Variants in DAAM1 observed in about 807,000 individuals in gnomAD.
DAAM1 encodes dishevelled associated activator of morphogenesis 1.
DAAM1 carries 52 observed loss-of-function variants against 130.0 expected under a neutral mutation model. The observed-to-expected ratio is 0.40, with a 90% CI of 0.32 to 0.50. DAAM1 has a LOEUF of 0.50. Among genes scored for constraint, DAAM1 ranks in the 20% least tolerant of loss-of-function variants. The pLI, the probability that DAAM1 is intolerant of heterozygous loss-of-function variation, is 0.61. For missense variants in DAAM1, 1,134 were observed against 1,303.8 expected (o/e 0.87, Z 2.01); for synonymous variants, 452 against 444.5 (o/e 1.02, Z -0.21).
At chr14:59,198,901 T>A (rs531980991) in intron 1 of DAAM1, among the ~76,000 whole-genome samples, 2 of 152,368 alleles carry the variant, frequency 1.3e-5, no homozygotes, top group South Asian at 4.1e-4. Context: ...TCATTCACAG[T>A]GTATTCACAT....
rs369989051 is a variant in DAAM1 at position 59,308,993 on chromosome 14, G to A, written c.274-6287G>A. Among the ~76,000 whole-genome samples, 3 of 152,300 alleles carry A rather than the reference G, an allele frequency of 2.0e-5. No individual in the cohort carries two copies. The East Asian group carries it at 5.8e-4, about 29-fold the overall frequency. On this transcript the variant is annotated intron_variant, in intron 3 of 24. Transcript: ENST00000360909. ...TGTAACCAGGATTGGCAGTCCCAGG[G>A]ACCACATGGCTATCTTGGAATGTGA...
chr14:59,356,262 G>T (rs189702929), intron 20 of DAAM1, among the ~76,000 whole-genome samples: 70 of 152,268 alleles, frequency 4.6e-4, no homozygotes, highest in Non-Finnish European at 6.8e-4. Context: ...TATAGGGTTC[G>T]TGAAGCATAG....
chr14:59,215,568 C>T (rs1288951312), intron 1 of DAAM1, among the ~76,000 whole-genome samples: 1 of 152,158 alleles, frequency 6.6e-6, no homozygotes, highest in East Asian at 1.9e-4. Flanking sequence ...TGCACCAGGC[C>T]GAAGTGTTTG....
At chr14:59,254,617 G>C (rs944580625) in intron 1 of DAAM1, among the ~76,000 whole-genome samples, 1 of 152,192 alleles carries the variant, frequency 6.6e-6, no homozygotes, top group African/African-American at 2.4e-5. Context: ...TGATGTCTTC[G>C]GGTGCTCCAA....
At chr14:59,235,548 G>GC (rs772596427) in intron 1 of DAAM1, among the ~76,000 whole-genome samples, 4 of 151,940 alleles carry the variant, frequency 2.6e-5, no homozygotes, top group Non-Finnish European at 5.9e-5. Flanking sequence ...TATTAGTCTA[G>GC]CTAGTGGTCT....
chr14:59,332,180 A>G (rs540774608), intron 15 of DAAM1, among the ~76,000 whole-genome samples: 7 of 152,348 alleles, frequency 4.6e-5, no homozygotes, highest in African/African-American at 9.6e-5. Context: ...AGAGTTTTGT[A>G]TGCTGTCACT....
intron 1 of DAAM1, among the ~76,000 whole-genome samples, chr14:59,191,058 TA>T (rs1887715532): frequency 6.6e-6 from 1 of 152,248 alleles, no homozygotes; most frequent in Non-Finnish European, 1.5e-5. Context: ...AATTGACATA[TA>T]AATATTTTGT....
Position 59,323,185 on chromosome 14 carries a change from T to C in DAAM1, c.734T>C (p.Leu245Pro), listed in dbSNP as rs1473924111. The C allele has an allele frequency of 3.1e-6, 5 of 1,613,266 alleles. No homozygotes were observed. Among genetic ancestry groups the C allele is most frequent in the Non-Finnish European group, 4.2e-6 (5 of 1,179,648 alleles). Residue 245 changes from leucine (L) to proline (P), a missense_variant, in exon 6 of 25, where the codon CTG (leucine) becomes CCG (proline). This residue lies in a region of DAAM1 where 391 missense variants were observed against 521.6 expected (regional missense o/e 0.75). Coordinates refer to ENST00000360909, the MANE Select transcript of DAAM1 (RefSeq NM_001270520.2). Reference protein sequence around the residue: ...GGHKKVLQAMLHYQKYASERT... With the variant: ...GGHKKVLQAMPHYQKYASERT... ...CACAAGAAGGTTCTGCAGGCCATGC[T>C]GCACTACCAGAAGTATGCCAGCGAA...
intron 3 of DAAM1, among the ~76,000 whole-genome samples, chr14:59,301,748 G>A (rs961020891): frequency 2.0e-5 from 3 of 152,172 alleles, no homozygotes; most frequent in African/African-American, 7.2e-5. Context: ...CCTCTTCCTC[G>A]ATTCCTTTGG....
chr14:59,297,152 A>G (rs1778005608), intron 3 of DAAM1, among the ~76,000 whole-genome samples: 1 of 152,080 alleles, frequency 6.6e-6, no homozygotes, highest in African/African-American at 2.4e-5. Flanking sequence ...TTCTTCCCCC[A>G]TGATTCTAGG....
At chr14:59,354,908 C>T (rs1175329226) in intron 19 of DAAM1, among the ~76,000 whole-genome samples, 2 of 152,154 alleles carry the variant, frequency 1.3e-5, no homozygotes, top group East Asian at 1.9e-4. Context: ...ATGAGTCAGC[C>T]AAGAAAGGCC....
At chr14:59,275,436 T>TA (rs550683147) in intron 2 of DAAM1, among the ~76,000 whole-genome samples, 88 of 150,596 alleles carry the variant, frequency 5.8e-4, no homozygotes, top group South Asian at 2.9e-3. Context: ...ACTTAAAAGT[T>TA]AAAAAAAAAA....
intron 16 of DAAM1, among the ~76,000 whole-genome samples, chr14:59,341,796 T>C (rs1885859708): frequency 6.6e-6 from 1 of 152,228 alleles, no homozygotes; most frequent in Non-Finnish European, 1.5e-5. Flanking sequence ...TGGAGTTTTT[T>C]TTACATCCTA....
chr14:59,277,606 C>G (rs1883027865), intron 2 of DAAM1, among the ~76,000 whole-genome samples: 1 of 151,932 alleles, frequency 6.6e-6, no homozygotes, highest in East Asian at 1.9e-4. Flanking sequence ...GAAACTAAAA[C>G]TTTCTCTGGA....
rs754893494 is a variant in DAAM1 at position 59,338,419 on chromosome 14, G to A, written c.1969-1655G>A. 3.7e-6 allele frequency: 6 copies of A among 1,613,626 alleles called. No individual in the cohort carries two copies. In the South Asian group the frequency reaches 5.5e-5, roughly 15 times the overall value. On this transcript the variant is annotated intron_variant, in intron 15 of 24. Coordinates refer to ENST00000360909, the MANE Select transcript of DAAM1 (RefSeq NM_001270520.2). ...GTGAACAGTAACTCCAAGCAGGTAA[G>A]TGAGCTACTACCTAAAGCTTGCTTA...
chr14:59,196,872 T>G (rs1887912442), intron 1 of DAAM1, among the ~76,000 whole-genome samples: 1 of 152,196 alleles, frequency 6.6e-6, no homozygotes, highest in Non-Finnish European at 1.5e-5. Context: ...TTGGTGAAAT[T>G]GTGAATATGG....
chr14:59,320,864 A>G (rs1002559710), intron 5 of DAAM1, among the ~76,000 whole-genome samples: 1 of 152,164 alleles, frequency 6.6e-6, no homozygotes, highest in Non-Finnish European at 1.5e-5. Context: ...GCTGCTAGGA[A>G]TGTAAAATTG....
intron 15 of DAAM1, among the ~76,000 whole-genome samples, chr14:59,338,677 TAC>T (rs1885726672): frequency 6.6e-6 from 1 of 152,170 alleles, no homozygotes; most frequent in African/African-American, 2.4e-5. Flanking sequence ...TCTAAACTGT[TAC>T]ACAGTTCTAG....
chr14:59,253,568 C>G (rs943612870), intron 1 of DAAM1, among the ~76,000 whole-genome samples: 2 of 152,158 alleles, frequency 1.3e-5, no homozygotes, highest in East Asian at 3.8e-4. Context: ...AATTTTGTTT[C>G]TTTATTTTCA....
Sources: allele counts gnomAD v4.1 joint callset (sites outside exome capture counted in the v4.1 genomes callset), GRCh38; gene constraint gnomAD v4.1.1; regional missense constraint gnomAD v4.1.1; transcripts MANE v1.5; gene names NCBI Gene and HGNC (gene_info 2026-07-23, HGNC 2026-07-21).